DNAH7: variants seen among roughly 807,000 people sequenced by gnomAD.
The protein encoded by DNAH7 is dynein axonemal heavy chain 7.
A neutral mutation model predicts 444.6 loss-of-function variants in DNAH7; 397 were observed. That is an observed-to-expected ratio of 0.89 (90% CI 0.82 to 0.97). DNAH7 has a LOEUF of 0.97. Ranked by LOEUF, DNAH7 falls within the 50% of genes least tolerant of loss-of-function variation. The pLI is 0.00. For synonymous variants in DNAH7, 1,636 were observed against 1,624.4 expected (o/e 1.01, Z -0.17); for missense variants, 4,902 against 4,800.8 (o/e 1.02, Z -0.62).
intron 44 of DNAH7, among the ~76,000 whole-genome samples, chr2:195,856,958 C>T (rs537802571): frequency 2.8e-4 from 42 of 152,180 alleles, no homozygotes; most frequent in African/African-American, 9.9e-4. Flanking sequence ...TAAAATACCA[C>T]TCTTCTCATC....
chr2:195,778,110 G>C (rs956682124), intron 58 of DNAH7, 125 bp from the exon 59 acceptor site: 5 of 844,720 alleles, frequency 5.9e-6, no homozygotes, highest in Middle Eastern at 2.6e-4. Flanking sequence ...ACTTCCCTTC[G>C]TATGCTTCCC....
intron 5 of DNAH7, among the ~76,000 whole-genome samples, chr2:196,030,360 T>C (rs1029305731): frequency 5.9e-5 from 9 of 152,172 alleles, no homozygotes; most frequent in Non-Finnish European, 7.3e-5. Context: ...GTGGTAATTA[T>C]GGGAGTACAA....
chr2:195,743,419 A>G (rs1275898226), intron 63 of DNAH7, among the ~76,000 whole-genome samples: 4 of 152,174 alleles, frequency 2.6e-5, no homozygotes, highest in Non-Finnish European at 5.9e-5. Context: ...TTCAAATACT[A>G]AAAAACGTTC....
In DNAH7 at chr2:195,778,677, C is replaced by T. The variant is rs1336731464; in HGVS notation, c.10879-692G>A. 2.1e-3 allele frequency among the ~76,000 whole-genome samples: 160 copies of T among 76,886 alleles called. 5 individuals are homozygous for T. The highest frequency in any genetic ancestry group is 0.013 in the East Asian group (37 of 2,952). 50.4% of individuals were successfully genotyped at this position (76,886 alleles called of 152,430 possible). A position where few individuals can be genotyped will look rare whatever the true frequency, so the allele number is the denominator to read the frequency against. Reference sequence around the variant, plus strand: ...ATATATATATATATATATACACACACACACATATATATACACATATATATA... The same window carrying T: ...ATATATATATATATATATACACACATACACATATATATACACATATATATA... On this transcript the variant is annotated intron_variant, in intron 58 of 64. Transcript: ENST00000312428.
chr2:195,812,798 C>T (rs965977720), intron 51 of DNAH7, among the ~76,000 whole-genome samples: 13 of 152,168 alleles, frequency 8.5e-5, no homozygotes, highest in African/African-American at 2.9e-4. Context: ...GTAGAACTAT[C>T]GTCCAATAAC....
At chr2:195,844,620 G>A (rs574595869) in intron 47 of DNAH7, among the ~76,000 whole-genome samples, 7 of 152,136 alleles carry the variant, frequency 4.6e-5, no homozygotes, top group East Asian at 1.9e-4. Flanking sequence ...GGACTAAGAC[G>A]GAATTTGGAA....
chr2:195,854,813 T>C (rs1410328614), intron 45 of DNAH7, among the ~76,000 whole-genome samples: 4 of 152,188 alleles, frequency 2.6e-5, no homozygotes, highest in Non-Finnish European at 5.9e-5. Context: ...TGAAAAATGT[T>C]TAAAGAGAGC....
chr2:195,781,213 G>C (rs1695358628), intron 58 of DNAH7, among the ~76,000 whole-genome samples: 2 of 152,068 alleles, frequency 1.3e-5, no homozygotes. Context: ...TAAAAATGAA[G>C]TACAATAAGA....
chr2:195,917,623 C>T (rs578127722), intron 24 of DNAH7, among the ~76,000 whole-genome samples: 28 of 152,292 alleles, frequency 1.8e-4, no homozygotes, highest in Non-Finnish European at 3.4e-4. Context: ...CTCCTTCTGG[C>T]TTATGCCCTT....
intron 5 of DNAH7, among the ~76,000 whole-genome samples, chr2:196,032,219 G>A (rs1200852353): frequency 1.3e-5 from 2 of 152,170 alleles, no homozygotes; most frequent in Non-Finnish European, 2.9e-5. Flanking sequence ...CATGAGAACA[G>A]TACGGGAGAA....
At chr2:195,926,200 C>A (rs889960962) in intron 22 of DNAH7, among the ~76,000 whole-genome samples, 2 of 151,826 alleles carry the variant, frequency 1.3e-5, no homozygotes, top group African/African-American at 4.8e-5. Flanking sequence ...CTTTTATATA[C>A]CGTGAATAAA....
At chr2:195,809,424 T>C (rs1415123574) in intron 52 of DNAH7, among the ~76,000 whole-genome samples, 3 of 152,202 alleles carry the variant, frequency 2.0e-5, no homozygotes, top group African/African-American at 7.2e-5. Context: ...CACAAGTCTT[T>C]AAAAACATTT....
In DNAH7 at chr2:195,824,368, C is replaced by T. The variant is rs1179327947; in HGVS notation, c.9178G>A (p.Gly3060Arg). The change falls in exon 49 of 65, where the codon GGG becomes AGG. Residue 3060 changes from glycine (G) to arginine (R), a missense_variant. Coordinates refer to ENST00000312428, the MANE Select transcript of DNAH7 (RefSeq NM_018897.3). ...TCCCCAAGCCGGATACATGTACTCC[C>T]ACCCTGCTTAAAGGTTTGTTTTAGT... is the stretch of plus-strand genomic sequence containing the variant. Reference protein sequence around the residue: ...LLLKQTFKQGGSTCIRLGDST... With the variant: ...LLLKQTFKQGRSTCIRLGDST... 2 of 1,613,812 alleles carry T rather than the reference C, an allele frequency of 1.2e-6. No individual in the cohort carries two copies. The highest frequency in any genetic ancestry group is 1.7e-6 in the Non-Finnish European group (2 of 1,179,820).
intron 12 of DNAH7, among the ~76,000 whole-genome samples, chr2:195,998,442 C>T (rs112807211): frequency 0.043 from 6,469 of 151,594 alleles, 311 homozygotes; most frequent in African/African-American, 0.12. Context: ...CGCATGGTGG[C>T]GGGTGCCTGT....
chr2:195,780,741 A>C (rs1695329301), intron 58 of DNAH7, among the ~76,000 whole-genome samples: 1 of 151,886 alleles, frequency 6.6e-6, no homozygotes, highest in South Asian at 2.1e-4. Flanking sequence ...ACAGGGCAAG[A>C]CTCTGTCTCA....
At chr2:195,806,576 T>C (rs1205187836) in intron 54 of DNAH7, among the ~76,000 whole-genome samples, 164 bp downstream of exon 54, 2 of 152,142 alleles carry the variant, frequency 1.3e-5, no homozygotes, top group Non-Finnish European at 2.9e-5. Flanking sequence ...TTTAGAAAAA[T>C]ATACAAACTT....
chr2:195,835,473 G>C (rs1010309732), intron 47 of DNAH7, among the ~76,000 whole-genome samples: 1 of 151,628 alleles, frequency 6.6e-6, no homozygotes, highest in Non-Finnish European at 1.5e-5. Flanking sequence ...ACATGAAATT[G>C]GAACGTCAAT....
At chr2:196,030,837 C>A (rs1358803726) in intron 5 of DNAH7, among the ~76,000 whole-genome samples, 1 of 152,258 alleles carries the variant, frequency 6.6e-6, no homozygotes, top group African/African-American at 2.4e-5. Flanking sequence ...TTTCAGGGTA[C>A]AGCCTCACTC....
At chr2:195,983,796 A>C (rs1000733954) in intron 15 of DNAH7, among the ~76,000 whole-genome samples, 2 of 152,228 alleles carry the variant, frequency 1.3e-5, no homozygotes, top group African/African-American at 4.8e-5. Context: ...CTTAATATAA[A>C]CAAAATACAG....
Sources: gnomAD v4.1 joint callset for allele counts (sites outside exome capture counted in the v4.1 genomes callset) on GRCh38, gnomAD v4.1.1 for gene constraint, MANE v1.5 for transcripts, NCBI Gene and HGNC (gene_info 2026-07-23, HGNC 2026-07-21) for gene names.